Variants in TRAPPC12 observed in about 807,000 individuals in gnomAD.
TRAPPC12 encodes the protein trafficking protein particle complex subunit 12, also known as TPR repeat protein 15.
TRAPPC12 carries 61 observed loss-of-function variants against 69.2 expected under a neutral mutation model. The ratio of observed to expected loss-of-function variants is 0.88; its 90% CI spans 0.72 to 1.09. TRAPPC12 has a LOEUF of 1.09. Among genes scored for constraint, TRAPPC12 ranks in the 50% least tolerant of loss-of-function variants. The probability of loss-of-function intolerance (pLI) is 0.00; values close to 1 mark genes in which losing one functional copy is unlikely to be tolerated. For missense variants in TRAPPC12, 1,101 were observed against 1,016.4 expected (o/e 1.08, Z -1.13); for synonymous variants, 469 against 438.9 (o/e 1.07, Z -0.86).
chr2:3,421,594 C>T, intron 3 of TRAPPC12: 1 of 634,612 alleles, frequency 1.6e-6, no homozygotes, highest in Non-Finnish European at 3.0e-6. Flanking sequence ...AATAAAAAGC[C>T]TCTTCCCGAT....
At chr2:3,434,119 A>G (rs1286361576) in intron 5 of TRAPPC12, among the ~76,000 whole-genome samples, 1 of 152,198 alleles carries the variant, frequency 6.6e-6, no homozygotes, top group Non-Finnish European at 1.5e-5. Flanking sequence ...AATTACACCA[A>G]AGCAGCTTCT....
At chr2:3,425,996 C>T (rs879589562) in intron 5 of TRAPPC12, among the ~76,000 whole-genome samples, 5 of 152,102 alleles carry the variant, frequency 3.3e-5, no homozygotes, top group Admixed American at 2.0e-4. Context: ...ATGTAGACGC[C>T]GGCTTTCTTT....
intron 10 of TRAPPC12, 142 bp from the exon 11 acceptor site, chr2:3,478,704 C>A: frequency 1.6e-6 from 1 of 644,592 alleles, no homozygotes; most frequent in Non-Finnish European, 2.7e-6. Flanking sequence ...CAGCTCACCG[C>A]CTCTACCTGG....
intron 9 of TRAPPC12, among the ~76,000 whole-genome samples, chr2:3,471,119 C>G (rs1334788805): frequency 1.3e-5 from 2 of 152,202 alleles, no homozygotes; most frequent in Admixed American, 1.3e-4. Flanking sequence ...GCACAGATGC[C>G]CTCACTTTGT....
rs764152194 is a variant in TRAPPC12, at chr2:3,479,175, G to A, written c.1966-44G>A. 9 of 1,596,130 alleles carry A rather than the reference G, an allele frequency of 5.6e-6. No individual in the cohort carries two copies. In the East Asian group the frequency reaches 6.7e-5, roughly 12 times the overall value. ...CGCAGCCTGGAATGGGCGGGCGTCT[G>A]TCCTGGTTGTGTGGGCCAACCCTGG... is the stretch of plus-strand genomic sequence containing the variant. On this transcript the variant is annotated intron_variant, in intron 11 of 11. Transcript: ENST00000324266.
chr2:3,383,409 C>A (rs562417125), intron 1 of TRAPPC12, among the ~76,000 whole-genome samples: 45 of 150,580 alleles, frequency 3.0e-4, no homozygotes, highest in Non-Finnish European at 5.0e-4. Flanking sequence ...CCCACCCCCG[C>A]CCCGCCCGAG....
At chr2:3,458,603 C>A in intron 7 of TRAPPC12, 1 of 272,282 alleles carries the variant, frequency 3.7e-6, no homozygotes, top group Non-Finnish European at 5.6e-6. Flanking sequence ...TGCACTTGTG[C>A]ACTCTCTTTT....
intron 3 of TRAPPC12, among the ~76,000 whole-genome samples, chr2:3,407,573 C>T (rs1041064709): frequency 2.0e-5 from 3 of 152,058 alleles, no homozygotes; most frequent in South Asian, 2.1e-4. Flanking sequence ...GAGGCCGAGG[C>T]GGGCAGATCA....
intron 1 of TRAPPC12, among the ~76,000 whole-genome samples, chr2:3,382,469 T>C (rs1572069186): frequency 1.3e-5 from 2 of 152,192 alleles, no homozygotes; most frequent in Admixed American, 1.3e-4. Context: ...AAAGGTATTT[T>C]GATGTGTTAT....
intron 6 of TRAPPC12, 102 bp downstream of exon 6, chr2:3,443,993 C>A: frequency 1.2e-6 from 1 of 815,566 alleles, no homozygotes; most frequent in Non-Finnish European, 2.0e-6. Flanking sequence ...CTGCCCCATG[C>A]ACCATCGCTG....
Position 3,388,060 on chromosome 2 carries a change from G to A in TRAPPC12, c.437G>A (p.Arg146His), listed in dbSNP as rs146872359. 273 of 1,514,294 alleles carry A rather than the reference G, an allele frequency of 1.8e-4. No individual in the cohort carries two copies. Among genetic ancestry groups the A allele is most frequent in the Non-Finnish European group, 2.3e-4 (261 of 1,136,204 alleles). The allele number at this position is 1,514,294 out of a possible 1,614,324, so 93.8% of individuals were successfully genotyped here. The change falls in exon 2 of 12, where the codon CGC (arginine) becomes CAC (histidine). Residue 146 changes from arginine to histidine, a missense_variant. By Grantham distance (29) the Arg-to-His change is conservative. Transcript: ENST00000324266. ...AREVPGSEAARPEQEPPVAEP... is the reference protein window; with the variant it reads ...AREVPGSEAAHPEQEPPVAEP... ...GAGGTCCCAGGCAGCGAAGCCGCGCGCCCGGAGCAGGAGCCTCCCGTTGCG... is the reference window on the plus strand; with the variant it reads ...GAGGTCCCAGGCAGCGAAGCCGCGCACCCGGAGCAGGAGCCTCCCGTTGCG...
Position 3,401,865 on chromosome 2 carries a change from A to C in TRAPPC12, c.1136A>C (p.Gln379Pro). The C allele has an allele frequency of 6.3e-7, 1 of 1,594,026 alleles. No individual in the cohort carries two copies. Among genetic ancestry groups the C allele is most frequent in the Non-Finnish European group, 8.5e-7 (1 of 1,172,304 alleles). Residue 379 changes from glutamine to proline, a missense_variant, in exon 3 of 12, where the codon CAA becomes CCA. Gln to Pro is a moderately conservative substitution (Grantham distance 76). Coordinates refer to ENST00000324266, the MANE Select transcript of TRAPPC12 (RefSeq NM_016030.6). Reference protein sequence around the residue: ...RQVLNADSVEQSFVGLKQLIS... With the variant: ...RQVLNADSVEPSFVGLKQLIS... ...GTCCTAAATGCCGACTCAGTGGAACAATCTTTTGTTGGATTGAAACAGCTA... is the reference window on the plus strand; with the variant it reads ...GTCCTAAATGCCGACTCAGTGGAACCATCTTTTGTTGGATTGAAACAGCTA...
intron 5 of TRAPPC12, among the ~76,000 whole-genome samples, chr2:3,442,180 C>T (rs1664256449): frequency 6.6e-6 from 1 of 152,114 alleles, no homozygotes; most frequent in African/African-American, 2.4e-5. Flanking sequence ...AACAGCTAGT[C>T]TGTAAACTGA....
chr2:3,451,953 ACC>A (rs1664874433), intron 6 of TRAPPC12, among the ~76,000 whole-genome samples: 1 of 152,188 alleles, frequency 6.6e-6, no homozygotes, highest in Non-Finnish European at 1.5e-5. Context: ...CTGTGTGTTG[ACC>A]ATCAGTTGCT....
intron 2 of TRAPPC12, among the ~76,000 whole-genome samples, chr2:3,395,453 G>GT (rs1339197230): frequency 6.9e-6 from 1 of 145,698 alleles, no homozygotes; most frequent in Admixed American, 6.8e-5. Context: ...TCTATGTCTT[G>GT]TTTTTGCAAT....
chr2:3,386,711 G>A (rs925139442), intron 1 of TRAPPC12, among the ~76,000 whole-genome samples: 5 of 152,116 alleles, frequency 3.3e-5, no homozygotes, highest in East Asian at 1.9e-4. Flanking sequence ...GGCGTGGGGC[G>A]GGGGTAGGGG....
In TRAPPC12 at chr2:3,388,313, C is replaced by T. The variant is rs763275430; in HGVS notation, c.690C>T (p.Ser230=). The change falls in exon 2 of 12, where the codon TCC becomes TCT. Residue 230 remains serine, a synonymous_variant. Transcript: ENST00000324266. The part of the protein sequence containing the change: ...ASDFFDSFTT[S]AFISVSNPGA... ...ACTTCTTCGACTCCTTTACTACCTCCGCCTTCATTTCCGTCAGCAATCCCG... is the reference window on the plus strand; with the variant it reads ...ACTTCTTCGACTCCTTTACTACCTCTGCCTTCATTTCCGTCAGCAATCCCG... The T allele has an allele frequency of 1.1e-5, 18 of 1,604,842 alleles. No individual in the cohort carries two copies. Among genetic ancestry groups the T allele is most frequent in the Non-Finnish European group, 1.5e-5 (18 of 1,176,056 alleles).
At chr2:3,475,356 T>C in intron 9 of TRAPPC12, among the ~76,000 whole-genome samples, 1 of 151,936 alleles carries the variant, frequency 6.6e-6, no homozygotes. Context: ...TCAGCGATCC[T>C]CCCACCTCGG....
chr2:3,460,414 A>G (rs1665427196), intron 8 of TRAPPC12, 78 bp downstream of exon 8: 10 of 794,846 alleles, frequency 1.3e-5, no homozygotes, highest in Non-Finnish European at 1.7e-5. Context: ...AGCCGCTGGT[A>G]TAATAGATGC....
Sources: gnomAD v4.1 joint callset for allele counts (sites outside exome capture counted in the v4.1 genomes callset) on GRCh38, gnomAD v4.1.1 for gene constraint, MANE v1.5 for transcripts, NCBI Gene and HGNC (gene_info 2026-07-23, HGNC 2026-07-21) for gene names.